Variants in VPS13A observed in about 807,000 individuals in gnomAD.
VPS13A encodes the protein vacuolar protein sorting 13 homolog A.
Under a neutral mutation model 390.9 loss-of-function variants are expected in VPS13A, and 264 were observed. The ratio of observed to expected loss-of-function variants is 0.68; its 90% CI spans 0.61 to 0.75. The LOEUF (loss-of-function observed/expected upper bound fraction) is 0.75. Ranked by LOEUF, VPS13A falls within the 30% of genes least tolerant of loss-of-function variation. VPS13A has a pLI of 0.00. For synonymous variants in VPS13A, 1,231 were observed against 1,227.1 expected (o/e 1.00, Z -0.07); for missense variants, 3,409 against 3,733.9 (o/e 0.91, Z 2.27).
chr9:77,249,248 A>G (rs1457606314), intron 20 of VPS13A, among the ~76,000 whole-genome samples: 1 of 152,176 alleles, frequency 6.6e-6, no homozygotes, highest in Admixed American at 6.5e-5. Context: ...AAAATTCTGC[A>G]TTTGTTAATT....
intron 26 of VPS13A, among the ~76,000 whole-genome samples, chr9:77,279,441 C>G (rs1294993837): frequency 6.6e-6 from 1 of 152,066 alleles, no homozygotes; most frequent in Non-Finnish European, 1.5e-5. Flanking sequence ...TTCCTCTGCT[C>G]TTCTCAATGC....
intron 62 of VPS13A, among the ~76,000 whole-genome samples, chr9:77,368,405 A>G (rs1348323385): frequency 6.6e-6 from 1 of 152,224 alleles, no homozygotes; most frequent in East Asian, 1.9e-4. Context: ...AATATTAACT[A>G]ATTTATCACA....
At chr9:77,308,124 T>C (rs1368159779) in intron 35 of VPS13A, 26 bp downstream of exon 35, 1 of 1,611,884 alleles carries the variant, frequency 6.2e-7, no homozygotes, top group Non-Finnish European at 8.5e-7. Flanking sequence ...CAAATTTCTT[T>C]CTGCTTTCCT....
At chr9:77,238,235 T>C (rs577191625) in intron 18 of VPS13A, 37 bp from the exon 19 acceptor site, 1 of 1,608,460 alleles carries the variant, frequency 6.2e-7, no homozygotes, top group African/African-American at 1.3e-5. Flanking sequence ...TAATTTAGTT[T>C]GCTTTGAGTT....
At chr9:77,296,764 A>G (rs1339119218) in intron 33 of VPS13A, among the ~76,000 whole-genome samples, 1 of 152,180 alleles carries the variant, frequency 6.6e-6, no homozygotes, top group Non-Finnish European at 1.5e-5. Context: ...ATTAGGTAGA[A>G]TTTACCAGCG....
At chr9:77,373,854 G>C (rs528689759) in intron 67 of VPS13A, among the ~76,000 whole-genome samples, 2 of 152,198 alleles carry the variant, frequency 1.3e-5, no homozygotes, top group South Asian at 2.1e-4. Context: ...CTCAAAAGAA[G>C]ACATTTATGC....
chr9:77,314,155 T>G, intron 36 of VPS13A, 36 bp downstream of exon 36: 1 of 1,610,066 alleles, frequency 6.2e-7, no homozygotes, highest in Non-Finnish European at 8.5e-7. Flanking sequence ...TATTTTCACA[T>G]GTGAAATTTG....
chr9:77,390,634 C>T (rs897373222), intron 68 of VPS13A, among the ~76,000 whole-genome samples: 2 of 126,904 alleles, frequency 1.6e-5, no homozygotes, highest in African/African-American at 5.9e-5. Context: ...CACCGCCCGC[C>T]ACCCCTCCCC....
chr9:77,213,360 A>G (rs369092182), intron 9 of VPS13A, 46 bp downstream of exon 9: 12 of 1,462,066 alleles, frequency 8.2e-6, no homozygotes, highest in Non-Finnish European at 1.1e-5. Flanking sequence ...CATATTTTGC[A>G]TGAGGTTTAA....
intron 68 of VPS13A, among the ~76,000 whole-genome samples, chr9:77,394,840 T>C (rs1023263271): frequency 2.0e-5 from 3 of 152,198 alleles, no homozygotes; most frequent in Non-Finnish European, 4.4e-5. Flanking sequence ...TGAACCAATC[T>C]CTGCTAGCTT....
chr9:77,371,294 T>C lies in VPS13A; in HGVS notation c.9077+145T>C, dbSNP rs912627083. ...CCACATAATACCACAGACTGGGTAA[T>C]TTATAATGAACAGAAATTTATTGGC... On this transcript the variant is annotated intron_variant, in intron 67 of 71. Coordinates refer to ENST00000360280, the MANE Select transcript of VPS13A (RefSeq NM_033305.3). The C allele has an allele frequency of 2.4e-6, 3 of 1,239,068 alleles. No homozygotes were observed. The African/African-American group carries it at 4.5e-5, about 19-fold the overall frequency. 76.8% of individuals were successfully genotyped at this position (1,239,068 alleles called of 1,614,324 possible).
intron 62 of VPS13A, 124 bp from the exon 63 acceptor site, chr9:77,369,175 T>C: frequency 1.4e-6 from 1 of 734,006 alleles, no homozygotes; most frequent in Non-Finnish European, 2.4e-6. Flanking sequence ...AATGAGATGG[T>C]TTAGGAGTTG....
chr9:77,245,830 A>G (rs903489420), intron 19 of VPS13A, among the ~76,000 whole-genome samples: 5 of 152,148 alleles, frequency 3.3e-5, no homozygotes, highest in African/African-American at 1.2e-4. Context: ...AAAGAGGTTT[A>G]TTTGTTTCAT....
At chr9:77,201,964 T>C (rs72742564) in intron 3 of VPS13A, among the ~76,000 whole-genome samples, 8,288 of 152,230 alleles carry the variant, frequency 0.054, 336 homozygotes, top group South Asian at 0.12. Context: ...TAAAAACTTA[T>C]CTGTCATGTT....
intron 29 of VPS13A, 112 bp downstream of exon 29, chr9:77,282,386 T>A: frequency 9.8e-7 from 1 of 1,020,052 alleles, no homozygotes; most frequent in Non-Finnish European, 1.4e-6. Context: ...AGAATTCTGT[T>A]GCCTAGGTTA....
In VPS13A at chr9:77,283,338, T is replaced by C. The variant is rs769271046; in HGVS notation, c.3119-17T>C. On this transcript the variant is annotated splice_polypyrimidine_tract_variant and intron_variant, in intron 29 of 71. Coordinates refer to ENST00000360280, the MANE Select transcript of VPS13A (RefSeq NM_033305.3). ...ATGTTTTTCCTCATGTTTTATAATA[T>C]GAATTTTTTTTTGCAGCTTTAAAAC... The C allele has an allele frequency of 4.7e-5, 67 of 1,430,178 alleles. No individual in the cohort carries two copies. In the East Asian group the frequency reaches 1.0e-3, roughly 21 times the overall value. The allele number at this position is 1,430,178 out of a possible 1,614,324, so 88.6% of individuals were successfully genotyped here. A position where few individuals can be genotyped will look rare whatever the true frequency, so the allele number is the denominator to read the frequency against.
intron 31 of VPS13A, 116 bp downstream of exon 31, chr9:77,283,766 C>A: frequency 1.2e-6 from 1 of 858,174 alleles, no homozygotes; most frequent in Non-Finnish European, 1.8e-6. Flanking sequence ...TTATTATGTG[C>A]ATGGGTTTTG....
chr9:77,317,522 C>T (rs1488126129), intron 39 of VPS13A, 84 bp from the exon 40 acceptor site: 1 of 1,000,316 alleles, frequency 1.0e-6, no homozygotes, highest in East Asian at 2.8e-5. Flanking sequence ...GTTTATTTGA[C>T]ATACCTATTA....
intron 49 of VPS13A, 32 bp downstream of exon 49, chr9:77,340,314 T>C (rs749465468): frequency 1.9e-6 from 3 of 1,605,878 alleles, no homozygotes; most frequent in African/African-American, 2.7e-5. Context: ...CAAGAAACTT[T>C]TATTTTAAAT....
Sources: allele counts gnomAD v4.1 joint callset (sites outside exome capture counted in the v4.1 genomes callset), GRCh38; gene constraint gnomAD v4.1.1; transcripts MANE v1.5; gene names NCBI Gene and HGNC (gene_info 2026-07-23, HGNC 2026-07-21).